Variants in SLC14A2 observed in about 807,000 individuals in gnomAD.
The protein encoded by SLC14A2 is solute carrier family 14 member 2, also known as urea transporter 2.
SLC14A2 carries 91 observed loss-of-function variants against 104.6 expected under a neutral mutation model. The ratio of observed to expected loss-of-function variants is 0.87; its 90% CI spans 0.73 to 1.04. SLC14A2 has a LOEUF of 1.04. SLC14A2 is among the 50% of genes least tolerant of loss of function. The probability of loss-of-function intolerance (pLI) is 0.00; values close to 1 mark genes in which losing one functional copy is unlikely to be tolerated. For synonymous variants in SLC14A2, 476 were observed against 466.4 expected, an observed-to-expected ratio of 1.02 and a Z score of -0.27; for missense variants, 1,189 against 1,156.0, an observed-to-expected ratio of 1.03 and a Z score of -0.41.
chr18:45,511,122 T>C (rs1192056473), intron 2 of SLC14A2, among the ~76,000 whole-genome samples: 1 of 152,152 alleles, frequency 6.6e-6, no homozygotes, highest in Admixed American at 6.6e-5. Context: ...TTCCCAGCCT[T>C]CTGCAAGGGG....
At chr18:45,390,749 G>A (rs949680107) in intron 1 of SLC14A2, among the ~76,000 whole-genome samples, 3 of 152,140 alleles carry the variant, frequency 2.0e-5, no homozygotes, top group African/African-American at 7.2e-5. Context: ...ATGGCTGCTG[G>A]AGCCAGGCAC....
chr18:45,656,420 G>T lies in SLC14A2; in HGVS notation c.1352-7365G>T, dbSNP rs935921344. ...GTTGTAAACACATCAGGAAAGCCAG[G>T]CAGAGGAATTTGAGCACAATATTCT... On this transcript the variant is annotated intron_variant, in intron 10 of 19. Transcript: ENST00000255226. Among the ~76,000 whole-genome samples, 5 of 152,338 alleles carry T rather than the reference G, an allele frequency of 3.3e-5. No individual in the cohort carries two copies. The South Asian group carries it at 6.2e-4, about 19-fold the overall frequency.
chr18:45,320,219 G>A (rs558654712), intron 1 of SLC14A2, among the ~76,000 whole-genome samples: 1 of 152,328 alleles, frequency 6.6e-6, no homozygotes, highest in South Asian at 2.1e-4. Context: ...AACTAGGATA[G>A]TGGAATTATT....
chr18:45,587,407 T>C (rs1449592317), intron 2 of SLC14A2, among the ~76,000 whole-genome samples: 1 of 152,232 alleles, frequency 6.6e-6, no homozygotes, highest in East Asian at 1.9e-4. Flanking sequence ...CGTTCCAGGA[T>C]ACTTTTTGGG....
chr18:45,560,094 G>A (rs1446239300), intron 2 of SLC14A2, among the ~76,000 whole-genome samples: 2 of 152,212 alleles, frequency 1.3e-5, no homozygotes, highest in African/African-American at 2.4e-5. Context: ...CTGCTTCATC[G>A]TCATCTGCCT....
chr18:45,542,510 A>G (rs1371081688), intron 2 of SLC14A2: 1 of 152,214 alleles, frequency 6.6e-6, no homozygotes, highest in Non-Finnish European at 1.5e-5. Flanking sequence ...AAACTTCTGC[A>G]GTGGATAAAC....
At chr18:45,396,620 TTTTTTTG>T (rs2086034386) in intron 1 of SLC14A2, among the ~76,000 whole-genome samples, 1 of 143,912 alleles carries the variant, frequency 6.9e-6, no homozygotes, top group African/African-American at 2.8e-5. Context: ...CAACCTGGTT[TTTTTTTG>T]TTTTTGTTTT....
At chr18:45,183,726 CTCTT>C in the SLC14A2 span, among the ~76,000 whole-genome samples, 9 of 148,550 alleles carry the variant, frequency 6.1e-5, no homozygotes, top group African/African-American at 2.0e-4. Context: ...TTTTCTTTCT[CTCTT>C]TCTTTCTTTT....
intron 1 of SLC14A2, among the ~76,000 whole-genome samples, chr18:45,395,852 A>G (rs145275586): frequency 6.6e-6 from 1 of 152,178 alleles, no homozygotes; most frequent in African/African-American, 2.4e-5. Flanking sequence ...TTTTCACCCT[A>G]ACTATTCTCT....
intron 1 of SLC14A2, among the ~76,000 whole-genome samples, chr18:45,430,341 T>G (rs924501495): frequency 1.3e-4 from 20 of 152,184 alleles, no homozygotes; most frequent in Non-Finnish European, 2.5e-4. Context: ...TTGTTGGACA[T>G]TTGCTAAGAA....
the SLC14A2 span, among the ~76,000 whole-genome samples, chr18:45,207,460 G>T: frequency 6.6e-6 from 1 of 151,594 alleles, no homozygotes; most frequent in Admixed American, 6.6e-5. Flanking sequence ...GATGGAAGAG[G>T]GGAAGGAAAG....
At chr18:45,257,333 T>C (rs1273833646) in intron 1 of SLC14A2, among the ~76,000 whole-genome samples, 1 of 152,218 alleles carries the variant, frequency 6.6e-6, no homozygotes, top group Non-Finnish European at 1.5e-5. Flanking sequence ...GACTAAGTTG[T>C]CTAGGAAGTT....
chr18:45,268,813 C>G (rs567360762), intron 1 of SLC14A2, among the ~76,000 whole-genome samples: 1 of 152,188 alleles, frequency 6.6e-6, no homozygotes, highest in Admixed American at 6.5e-5. Flanking sequence ...GACAGTCAAG[C>G]ATGAACTATG....
chr18:45,255,190 T>G (rs964003391), intron 1 of SLC14A2, among the ~76,000 whole-genome samples: 1 of 152,196 alleles, frequency 6.6e-6, no homozygotes, highest in African/African-American at 2.4e-5. Context: ...TCTGCATTTA[T>G]ATCCACCCAG....
chr18:45,666,648 T>C (rs1045506950), intron 12 of SLC14A2, among the ~76,000 whole-genome samples: 4 of 151,352 alleles, frequency 2.6e-5, no homozygotes, highest in Admixed American at 2.6e-4. Context: ...TCAGTTCTAC[T>C]GTTTGACCTT....
At chr18:45,254,653 G>C (rs889376364) in intron 1 of SLC14A2, among the ~76,000 whole-genome samples, 2 of 152,080 alleles carry the variant, frequency 1.3e-5, no homozygotes, top group Non-Finnish European at 2.9e-5. Flanking sequence ...CTCTATGTTT[G>C]AGGAGAGAAA....
chr18:45,390,839 G>A lies in SLC14A2; in HGVS notation c.-124-92394G>A, dbSNP rs1028687420. ...CACTCAATATTGTTGTTGTTGTTTT[G>A]CCATAAAATTATTTCTTTTTAAGTT... On this transcript the variant is annotated intron_variant, in intron 1 of 20. Transcript: ENST00000586448. Among the ~76,000 whole-genome samples the A allele has an allele frequency of 2.0e-5, 3 of 152,070 alleles. No homozygotes were observed. The East Asian group carries it at 5.8e-4, about 29-fold the overall frequency.
intron 1 of SLC14A2, among the ~76,000 whole-genome samples, chr18:45,267,351 C>G (rs1022293820): frequency 1.3e-5 from 2 of 152,082 alleles, no homozygotes; most frequent in Non-Finnish European, 2.9e-5. Flanking sequence ...ACAACATTTT[C>G]TGAGCTCCCA....
chr18:45,491,520 A>G (rs1438698636), intron 2 of SLC14A2, among the ~76,000 whole-genome samples: 2 of 152,256 alleles, frequency 1.3e-5, no homozygotes, highest in African/African-American at 4.8e-5. Context: ...TAGTACCTAT[A>G]GTGTTTTATT....
Sources: allele counts gnomAD v4.1 joint callset (sites outside exome capture counted in the v4.1 genomes callset), GRCh38; gene constraint gnomAD v4.1.1; transcripts MANE v1.5; gene names NCBI Gene and HGNC (gene_info 2026-07-23, HGNC 2026-07-21).